Variants in PRMT3 observed in about 807,000 individuals in gnomAD.
The protein encoded by PRMT3 is protein arginine N-methyltransferase 3.
Under a neutral mutation model 71.9 loss-of-function variants are expected in PRMT3, and 62 were observed. That is an observed-to-expected ratio of 0.86 (90% CI 0.70 to 1.07). The LOEUF is 1.07. Ranked by LOEUF, PRMT3 falls within the 50% of genes least tolerant of loss-of-function variation. The pLI is 0.00. For missense variants in PRMT3, 663 were observed against 643.0 expected, an observed-to-expected ratio of 1.03 and a Z score of -0.34; for synonymous variants, 213 against 220.4, an observed-to-expected ratio of 0.97 and a Z score of 0.30.
intron 9 of PRMT3, among the ~76,000 whole-genome samples, chr11:20,423,003 C>G (rs1263894115): frequency 6.6e-6 from 1 of 152,076 alleles, no homozygotes; most frequent in African/African-American, 2.4e-5. Context: ...AAGGAAGGAC[C>G]GAAGCAGCTG....
intron 9 of PRMT3, among the ~76,000 whole-genome samples, chr11:20,420,790 C>CT (rs1849408522): frequency 6.6e-6 from 1 of 152,172 alleles, no homozygotes; most frequent in Non-Finnish European, 1.5e-5. Flanking sequence ...AAAGCATTCT[C>CT]TTTAAGTTCA....
chr11:20,488,404 AG>A (rs1426584836), intron 13 of PRMT3, among the ~76,000 whole-genome samples: 1 of 152,110 alleles, frequency 6.6e-6, no homozygotes, highest in East Asian at 1.9e-4. Context: ...CAGACTCATC[AG>A]TTGGCTTTTG....
rs11025585 is a variant in PRMT3, at chr11:20,494,177, C to G, written c.1409C>G (p.Ser470Cys). 1.2e-5 allele frequency: 20 copies of G among 1,607,962 alleles called. No homozygotes were observed. In the East Asian group the frequency reaches 3.3e-4, roughly 27 times the overall value. The stretch of plus-strand genomic sequence containing the variant: ...ACTTTACCAATTCAGGTCGTGTTCT[C>G]TACGGGCCCTCAGAGCACCAAAACA... ...EKNCHNRVVF[S>C]TGPQSTKTHW... is the part of the protein sequence containing the mutation. The change falls in exon 15 of 16, where the codon TCT becomes TGT. Residue 470 changes from serine to cysteine, a missense_variant. By Grantham distance (112) the Ser-to-Cys change is moderately radical. Transcript: ENST00000331079.
chr11:20,421,283 C>T (rs140538355), intron 9 of PRMT3, among the ~76,000 whole-genome samples: 224 of 152,296 alleles, frequency 1.5e-3, no homozygotes, highest in Non-Finnish European at 2.8e-3. Flanking sequence ...AGCAATCCTC[C>T]CGTCTTGGCC....
chr11:20,412,382 A>T (rs1849212581), intron 9 of PRMT3, among the ~76,000 whole-genome samples: 2 of 111,462 alleles, frequency 1.8e-5, no homozygotes, highest in Admixed American at 1.0e-4. Context: ...ACTGTTGAAC[A>T]GCTATGTAGT....
At chr11:20,388,420 C>G (rs1270823357) in intron 2 of PRMT3, among the ~76,000 whole-genome samples, 1 of 152,292 alleles carries the variant, frequency 6.6e-6, no homozygotes, top group South Asian at 2.1e-4. Context: ...ACTTGAGACG[C>G]TGAAAACAAA....
rs1848732224 is a variant in PRMT3 at position 20,392,315 on chromosome 11, T to G, written c.297+55T>G. 2.9e-5 allele frequency: 44 copies of G among 1,495,306 alleles called. No homozygotes were observed. In the South Asian group the frequency reaches 5.0e-4, roughly 17 times the overall value. 92.6% of individuals were successfully genotyped at this position (1,495,306 alleles called of 1,614,324 possible). Reference sequence around the variant, plus strand: ...TTTAGAAATCAAAGAAATGCTACAGTGACTGTCAGTGTACTGATTATTTAA... The same window carrying G: ...TTTAGAAATCAAAGAAATGCTACAGGGACTGTCAGTGTACTGATTATTTAA... On this transcript the variant is annotated intron_variant, in intron 4 of 15. Coordinates refer to ENST00000331079, the MANE Select transcript of PRMT3 (RefSeq NM_005788.4).
At chr11:20,430,926 T>C (rs1849641313) in intron 10 of PRMT3, among the ~76,000 whole-genome samples, 1 of 152,206 alleles carries the variant, frequency 6.6e-6, no homozygotes, top group Non-Finnish European at 1.5e-5. Context: ...TTTTACATTT[T>C]AGTCTACCAA....
chr11:20,447,187 G>GCTACT (rs1430968312), intron 10 of PRMT3, among the ~76,000 whole-genome samples: 1 of 152,006 alleles, frequency 6.6e-6, no homozygotes, highest in African/African-American at 2.4e-5. Flanking sequence ...GAACACAGTA[G>GCTACT]ATTAGGAAAG....
intron 10 of PRMT3, among the ~76,000 whole-genome samples, chr11:20,443,426 TCTC>T (rs1379588063): frequency 6.6e-6 from 1 of 152,192 alleles, no homozygotes; most frequent in Non-Finnish European, 1.5e-5. Flanking sequence ...TTGGGCTTTG[TCTC>T]CTATTTCCTC....
intron 13 of PRMT3, among the ~76,000 whole-genome samples, chr11:20,492,179 C>G (rs80315173): frequency 0.064 from 9,725 of 152,168 alleles, 431 homozygotes; most frequent in Admixed American, 0.15. Flanking sequence ...CACATTTGCT[C>G]ATCAAATATT....
chr11:20,498,501 G>A (rs1013804874), intron 15 of PRMT3, among the ~76,000 whole-genome samples: 1 of 152,170 alleles, frequency 6.6e-6, no homozygotes, highest in African/African-American at 2.4e-5. Context: ...GGCCGAGGCA[G>A]GCAGATTGCC....
At chr11:20,480,096 GA>G (rs1850894149) in intron 13 of PRMT3, among the ~76,000 whole-genome samples, 1 of 152,194 alleles carries the variant, frequency 6.6e-6, no homozygotes, top group Non-Finnish European at 1.5e-5. Flanking sequence ...AGGATCGCTT[GA>G]AGCCAGAAGT....
At chr11:20,423,140 G>T (rs1416775712) in intron 9 of PRMT3, among the ~76,000 whole-genome samples, 2 of 152,138 alleles carry the variant, frequency 1.3e-5, no homozygotes, top group Non-Finnish European at 2.9e-5. Flanking sequence ...CTGATCTTAT[G>T]TATTCTTTCA....
In PRMT3 at chr11:20,388,064, C is replaced by G; in HGVS notation, c.74C>G (p.Ser25Trp). The G allele has an allele frequency of 6.2e-7, 1 of 1,614,000 alleles. No individual in the cohort carries two copies. Among genetic ancestry groups the G allele is most frequent in the South Asian group, 1.1e-5 (1 of 91,084 alleles). Residue 25 changes from serine (S) to tryptophan (W), a missense_variant, in exon 2 of 16, where the codon TCG becomes TGG. Ser to Trp is a radical substitution (Grantham distance 177). Coordinates refer to ENST00000331079, the MANE Select transcript of PRMT3 (RefSeq NM_005788.4). The stretch of plus-strand genomic sequence containing the variant: ...AATGAGGAGGACCTGCCAGAACTGT[C>G]GGACAGCGGGGACGAGGCCGCCTGG... ...VENEEDLPELSDSGDEAAWED... is the reference protein window; with the variant it reads ...VENEEDLPELWDSGDEAAWED...
intron 10 of PRMT3, among the ~76,000 whole-genome samples, chr11:20,436,412 T>A (rs1849761854): frequency 6.6e-6 from 1 of 152,184 alleles, no homozygotes; most frequent in Non-Finnish European, 1.5e-5. Context: ...CAGTATGTTG[T>A]TGGTTGTGGG....
At chr11:20,408,573 T>A (rs1271614780) in intron 9 of PRMT3, among the ~76,000 whole-genome samples, 2 of 152,196 alleles carry the variant, frequency 1.3e-5, no homozygotes, top group African/African-American at 4.8e-5. Flanking sequence ...CTCTGTCTTT[T>A]GAGTATTTAG....
rs553990386 is a variant in PRMT3 at position 20,417,241 on chromosome 11, C to T, written c.893+9209C>T. ...GCATTTATCAGTGTCTTACATTTTA[C>T]GTTATTGTCATTTCACTGTTCTTAG... On this transcript the variant is annotated intron_variant, in intron 9 of 15. Transcript: ENST00000331079. Among the ~76,000 whole-genome samples the T allele has an allele frequency of 4.6e-5, 7 of 152,140 alleles. No individual in the cohort carries two copies. In the South Asian group the frequency reaches 6.2e-4, roughly 14 times the overall value.
intron 3 of PRMT3, among the ~76,000 whole-genome samples, chr11:20,391,292 C>T (rs1382331157): frequency 6.6e-6 from 1 of 151,876 alleles, no homozygotes; most frequent in Non-Finnish European, 1.5e-5. Flanking sequence ...GTTGCCCAGG[C>T]TGGAGTGCAA....
Sources: gnomAD v4.1 joint callset for allele counts (sites outside exome capture counted in the v4.1 genomes callset) on GRCh38, gnomAD v4.1.1 for gene constraint, MANE v1.5 for transcripts, NCBI Gene and HGNC (gene_info 2026-07-23, HGNC 2026-07-21) for gene names.